ZNF268: variants seen among roughly 807,000 people sequenced by gnomAD.
ZNF268 encodes zinc finger protein 268.
Under a neutral mutation model 29.3 loss-of-function variants are expected in ZNF268, and 20 were observed. The ratio of observed to expected loss-of-function variants is 0.68; its 90% confidence interval spans 0.48 to 0.99. The LOEUF is 0.99. ZNF268 is among the 50% of genes least tolerant of loss of function. ZNF268 has a pLI of 0.00. For synonymous variants in ZNF268, 429 were observed against 376.9 expected, an observed-to-expected ratio of 1.14 and a Z score of -1.60; for missense variants, 1,240 against 1,121.6, an observed-to-expected ratio of 1.11 and a Z score of -1.51.
chr12:133,188,115 C>CTTTT (rs11427950), intron 3 of ZNF268, 43 bp downstream of exon 3: 7 of 1,328,544 alleles, frequency 5.3e-6, no homozygotes, highest in African/African-American at 3.1e-5. Context: ...TCTTTATTAC[C>CTTTT]TTTTTTTTTT....
Position 133,202,866 on chromosome 12 carries a change from G to A in ZNF268, c.1180G>A (p.Gly394Arg). ...GQKPYVCNEC[G>R]KAFGLKSQLI... ...GAAACCATATGTGTGTAATGAATGTGGGAAAGCTTTTGGTTTAAAATCACA... is the reference window on the plus strand; with the variant it reads ...GAAACCATATGTGTGTAATGAATGTAGGAAAGCTTTTGGTTTAAAATCACA... The change falls in exon 6 of 6, where the codon GGG becomes AGG. Residue 394 changes from glycine (G) to arginine (R), a missense_variant. Gly to Arg is a moderately radical substitution (Grantham distance 125, BLOSUM62 -2). Coordinates refer to ENST00000536435, the MANE Select transcript of ZNF268 (RefSeq NM_003415.3). 6.4e-7 allele frequency: 1 copy of A among 1,569,996 alleles called. No homozygotes were observed. The highest frequency in any genetic ancestry group is 1.1e-5 in the South Asian group (1 of 87,474).
chr12:133,184,607 T>G, intron 2 of ZNF268: 1 of 346,034 alleles, frequency 2.9e-6, no homozygotes, highest in South Asian at 2.0e-5. Flanking sequence ...CCGCACCTCT[T>G]TATTTATTTA....
chr12:133,206,379 T>C lies in ZNF268; in HGVS notation c.*1849T>C, dbSNP rs533620512. 26 of 152,370 alleles carry C rather than the reference T, an allele frequency of 1.7e-4. No homozygotes were observed. Among genetic ancestry groups the C allele is most frequent in the African/African-American group, 6.3e-4 (26 of 41,580 alleles). The allele number at this position is 152,370 out of a possible 1,614,324, so 9.4% of individuals were successfully genotyped here. A position where few individuals can be genotyped will look rare whatever the true frequency, so the allele number is the denominator to read the frequency against. On this transcript the variant is annotated 3_prime_UTR_variant, in exon 6 of 6. Transcript: ENST00000536435. The stretch of plus-strand genomic sequence containing the variant: ...GGGGAATGCTTTTGATACCCATGTA[T>C]AACATGGAGAATAATGATCTTAAAA...
chr12:133,202,057 G>T, intron 5 of ZNF268, 87 bp from the exon 6 acceptor site: 1 of 1,092,352 alleles, frequency 9.2e-7, no homozygotes. Context: ...TATAACATGT[G>T]ACTAATTGTT....
intron 3 of ZNF268, among the ~76,000 whole-genome samples, chr12:133,190,228 C>T (rs1320542941): frequency 6.6e-6 from 1 of 152,190 alleles, no homozygotes; most frequent in Admixed American, 6.6e-5. Context: ...TCTGTGAATT[C>T]AGTAATGATA....
Position 133,200,017 on chromosome 12 carries a change from C to G in ZNF268, c.458-2127C>G, listed in dbSNP as rs528505008. The stretch of plus-strand genomic sequence containing the variant: ...TAATTTTTTTGAAGGGTTTTTGTGT[C>G]TCTATTTCCTTCAGTTCTCCTCTGA... On this transcript the variant is annotated intron_variant, in intron 5 of 5. Transcript: ENST00000536435. Among the ~76,000 whole-genome samples the G allele has an allele frequency of 3.9e-5, 6 of 152,200 alleles. No homozygotes were observed. In the East Asian group the frequency reaches 9.6e-4, roughly 24 times the overall value.
In ZNF268 at chr12:133,204,758, A is replaced by G. The variant is rs2135527100; in HGVS notation, c.*228A>G. Reference sequence around the variant, plus strand: ...ACTGAATTTAGTAACCACTCTGAAAATTTTTAGCAGCAAGTCATACCTTTT... The same window carrying G: ...ACTGAATTTAGTAACCACTCTGAAAGTTTTTAGCAGCAAGTCATACCTTTT... On this transcript the variant is annotated 3_prime_UTR_variant, in exon 6 of 6. Transcript: ENST00000536435. 2 of 403,128 alleles carry G rather than the reference A, an allele frequency of 5.0e-6. No homozygotes were observed. The highest frequency in any genetic ancestry group is 7.2e-5 in the South Asian group (1 of 13,954). 25.0% of individuals were successfully genotyped at this position (403,128 alleles called of 1,614,324 possible).
chr12:133,212,757 A>C lies in ZNF268; in HGVS notation c.*8227A>C, dbSNP rs1957007535. The C allele has an allele frequency of 6.6e-6, 1 of 152,044 alleles. No homozygotes were observed. Among genetic ancestry groups the C allele is most frequent in the African/African-American group, 2.4e-5 (1 of 41,374 alleles). The allele number at this position is 152,044 out of a possible 1,614,324, so 9.4% of individuals were successfully genotyped here. ...TCTCTCTCATTTCATAGGCATGATC[A>C]TAACTCACTGCAGCCCCAACCTCCT... On this transcript the variant is annotated 3_prime_UTR_variant, in exon 6 of 6. Transcript: ENST00000536435.
chr12:133,204,148 C>A lies in ZNF268; in HGVS notation c.2462C>A (p.Ser821Ter). 6.5e-7 allele frequency: 1 copy of A among 1,542,858 alleles called. No individual in the cohort carries two copies. The highest frequency in any genetic ancestry group is 8.7e-7 in the Non-Finnish European group (1 of 1,147,348). The change falls in exon 6 of 6, where the codon TCA becomes TAA. Residue 821 changes from serine (S) to a stop codon, truncating the protein, a stop_gained. Transcript: ENST00000536435. LOFTEE classifies it low-confidence loss of function (END_TRUNC). ...NECGKAFIWKSLLIVHERTHA... is the reference protein window; with the variant it reads ...NECGKAFIWK ...TGTGGGAAAGCCTTCATTTGGAAAT[C>A]ACTACTCATTGTACATGAGCGAACT... is the stretch of plus-strand genomic sequence containing the variant.
intron 3 of ZNF268, among the ~76,000 whole-genome samples, chr12:133,189,214 C>CTTTT (rs561890644): frequency 2.3e-5 from 3 of 129,866 alleles, no homozygotes; most frequent in African/African-American, 5.7e-5. Context: ...GTCTTAATTC[C>CTTTT]TTTTTTTTTT....
intron 5 of ZNF268, among the ~76,000 whole-genome samples, chr12:133,195,037 A>C (rs556231848): frequency 3.0e-5 from 2 of 66,298 alleles, no homozygotes; most frequent in South Asian, 7.8e-4. Context: ...GTAGAGGGAT[A>C]GAGACAAGTC....
Position 133,204,251 on chromosome 12 carries a change from G to A in ZNF268, c.2565G>A (p.Gln855=), listed in dbSNP as rs1956842849. ...FSGKLRLLVH[Q]RMHTREKPYE... is the part of the protein sequence containing the mutation. Reference sequence around the variant, plus strand: ...GGAAATTACGCCTTCTTGTACACCAGAGAATGCACACAAGAGAGAAACCAT... The same window carrying A: ...GGAAATTACGCCTTCTTGTACACCAAAGAATGCACACAAGAGAGAAACCAT... The change falls in exon 6 of 6, where the codon CAG becomes CAA. Residue 855 remains glutamine, a synonymous_variant. Transcript: ENST00000536435. 3.9e-6 allele frequency: 6 copies of A among 1,546,500 alleles called. No individual in the cohort carries two copies. The highest frequency in any genetic ancestry group is 5.2e-6 in the Non-Finnish European group (6 of 1,149,962).
At chr12:133,186,396 T>C (rs1231725973) in intron 2 of ZNF268, among the ~76,000 whole-genome samples, 2 of 151,746 alleles carry the variant, frequency 1.3e-5, no homozygotes, top group African/African-American at 2.4e-5. Context: ...TTTTTTTTTT[T>C]TTTGGAGATG....
In ZNF268 at chr12:133,204,318, C is replaced by T. The variant is rs780110280; in HGVS notation, c.2632C>T (p.Gln878Ter). 10 of 1,561,560 alleles carry T rather than the reference C, an allele frequency of 6.4e-6. No homozygotes were observed. Among genetic ancestry groups the T allele is most frequent in the East Asian group, 2.4e-5 (1 of 42,328 alleles). The change falls in exon 6 of 6, where the codon CAA (glutamine) becomes TAA (stop). Residue 878 changes from glutamine to a stop codon, truncating the protein, a stop_gained. Coordinates refer to ENST00000536435, the MANE Select transcript of ZNF268 (RefSeq NM_003415.3). LOFTEE classifies it high-confidence loss of function. ...TGGAAAAGCCTTCATTAGGAATTCT[C>T]AACTCATTGTACATCAAAGAACTCA... ...ECGKAFIRNS[Q>*]LIVHQRTHSG...
In ZNF268 at chr12:133,205,406, G is replaced by A; in HGVS notation, c.*876G>A. ...GGGATATTTAGATATCTTCCTATGT[G>A]TACTACATAATATGAATTTTGCAGT... On this transcript the variant is annotated 3_prime_UTR_variant, in exon 6 of 6. Coordinates refer to ENST00000536435, the MANE Select transcript of ZNF268 (RefSeq NM_003415.3). 6.6e-6 allele frequency: 1 copy of A among 151,990 alleles called. No individual in the cohort carries two copies. The allele number at this position is 151,990 out of a possible 1,614,324, so 9.4% of individuals were successfully genotyped here.
At position 133,202,680 on chromosome 12, in the gene ZNF268, C is replaced by T. The variant is rs763800963; in HGVS notation, c.994C>T (p.His332Tyr). The part of the protein sequence containing the change: ...HQRIHTGEKL[H>Y]ECSECRKTFS... ...GAGAATTCATACAGGAGAGAAACTACATGAATGCAGTGAATGCAGGAAAAC... is the reference window on the plus strand; with the variant it reads ...GAGAATTCATACAGGAGAGAAACTATATGAATGCAGTGAATGCAGGAAAAC... The change falls in exon 6 of 6, where the codon CAT becomes TAT. Residue 332 changes from histidine to tyrosine, a missense_variant. His to Tyr is a moderately conservative substitution (Grantham distance 83, BLOSUM62 2). Around this residue, in one of 3 missense-constraint regions of ZNF268, gnomAD observed 1,177 missense variants for 1,039.6 expected, o/e 1.13. Transcript: ENST00000536435. The T allele has an allele frequency of 6.2e-7, 1 of 1,608,804 alleles. No individual in the cohort carries two copies. The highest frequency in any genetic ancestry group is 1.1e-5 in the South Asian group (1 of 90,478).
In ZNF268 at chr12:133,206,197, G is replaced by C. The variant is rs1476677532; in HGVS notation, c.*1667G>C. On this transcript the variant is annotated 3_prime_UTR_variant, in exon 6 of 6. Transcript: ENST00000536435. The stretch of plus-strand genomic sequence containing the variant: ...GATATGTGGATATTTGGAAATGGTT[G>C]TTTCCCAAGACAGGATGGAAGTCTT... 1 of 152,176 alleles carries C rather than the reference G, an allele frequency of 6.6e-6. No individual in the cohort carries two copies. Among genetic ancestry groups the C allele is most frequent in the Non-Finnish European group, 1.5e-5 (1 of 68,040 alleles). The allele number at this position is 152,176 out of a possible 1,614,324, so 9.4% of individuals were successfully genotyped here.
chr12:133,186,725 A>G (rs1460645830), intron 2 of ZNF268, among the ~76,000 whole-genome samples: 1 of 152,166 alleles, frequency 6.6e-6, no homozygotes, highest in Non-Finnish European at 1.5e-5. Flanking sequence ...ATGAAACGTG[A>G]TGGAATACTA....
chr12:133,204,503 G>C lies in ZNF268; in HGVS notation c.2817G>C (p.Gln939His). ...FCWKSQLIMH[Q>H]RTHVDDKH ...GGAAGTCACAGCTCATTATGCATCA[G>C]AGAACTCATGTAGATGACAAACATT... The change falls in exon 6 of 6, where the codon CAG (glutamine) becomes CAC (histidine). Residue 939 changes from glutamine (Q) to histidine (H), a missense_variant. Transcript: ENST00000536435. The C allele has an allele frequency of 6.6e-7, 1 of 1,525,954 alleles. No individual in the cohort carries two copies. The highest frequency in any genetic ancestry group is 8.8e-7 in the Non-Finnish European group (1 of 1,142,710). The allele number at this position is 1,525,954 out of a possible 1,614,324, so 94.5% of individuals were successfully genotyped here. A position where few individuals can be genotyped will look rare whatever the true frequency, so the allele number is the denominator to read the frequency against.
Sources: gnomAD v4.1 joint callset for allele counts (sites outside exome capture counted in the v4.1 genomes callset) on GRCh38, gnomAD v4.1.1 for gene constraint, gnomAD v4.1.1 regional missense constraint, MANE v1.5 for transcripts, NCBI Gene and HGNC (gene_info 2026-07-23, HGNC 2026-07-21) for gene names.